The following XKR6 variants were observed in gnomAD, a reference collection of about 807,000 sequenced individuals.
The protein encoded by XKR6 is XK related 6.
Under a neutral mutation model 56.7 loss-of-function variants are expected in XKR6, and 22 were observed. The observed-to-expected ratio is 0.39, with a 90% CI of 0.28 to 0.55. XKR6 has a LOEUF of 0.55. Ranked by LOEUF, XKR6 falls within the 20% of genes least tolerant of loss-of-function variation. XKR6 has a pLI of 0.66. For missense variants in XKR6, 852 were observed against 889.0 expected, an observed-to-expected ratio of 0.96 and a Z score of 0.53; for synonymous variants, 524 against 387.8, an observed-to-expected ratio of 1.35 and a Z score of -4.13.
chr8:11,040,027 G>C (rs1015149913), intron 1 of XKR6, among the ~76,000 whole-genome samples: 1 of 151,990 alleles, frequency 6.6e-6, no homozygotes, highest in Non-Finnish European at 1.5e-5. Flanking sequence ...TCCCCATCCC[G>C]CCACCCTCTG....
intron 1 of XKR6, among the ~76,000 whole-genome samples, chr8:11,134,135 A>C (rs996333102): frequency 6.6e-6 from 1 of 152,062 alleles, no homozygotes; most frequent in Non-Finnish European, 1.5e-5. Context: ...TCTACATTCA[A>C]AACAGCCAAG....
intron 1 of XKR6, among the ~76,000 whole-genome samples, chr8:11,139,887 G>C (rs1430397656): frequency 6.6e-6 from 1 of 152,086 alleles, no homozygotes; most frequent in African/African-American, 2.4e-5. Flanking sequence ...CACAGACAAG[G>C]AAAGCACACT....
chr8:11,057,725 C>A (rs1271448166), intron 1 of XKR6, among the ~76,000 whole-genome samples: 2 of 152,190 alleles, frequency 1.3e-5, no homozygotes, highest in Non-Finnish European at 2.9e-5. Flanking sequence ...ACCTTCAATG[C>A]CCACCTGTCA....
At chr8:10,959,691 A>G (rs962871666) in intron 1 of XKR6, among the ~76,000 whole-genome samples, 2 of 152,076 alleles carry the variant, frequency 1.3e-5, no homozygotes, top group African/African-American at 4.8e-5. Context: ...ACCTAACACC[A>G]TCCCACTGTG....
chr8:10,956,341 G>A (rs887975313), intron 1 of XKR6, among the ~76,000 whole-genome samples: 25 of 152,306 alleles, frequency 1.6e-4, no homozygotes, highest in South Asian at 4.1e-4. Flanking sequence ...TGTGGTGGGG[G>A]TGGACACTAG....
intron 2 of XKR6, among the ~76,000 whole-genome samples, chr8:10,911,893 A>G (rs1800383714): frequency 6.6e-6 from 1 of 150,720 alleles, no homozygotes; most frequent in Non-Finnish European, 1.5e-5. Flanking sequence ...GTATATATAT[A>G]GAGAGAATAG....
intron 1 of XKR6, among the ~76,000 whole-genome samples, chr8:11,014,739 G>T (rs1798580340): frequency 1.3e-5 from 2 of 152,136 alleles, no homozygotes; most frequent in South Asian, 4.1e-4. Context: ...AGACCCAGAA[G>T]ACCGTGAGAA....
At chr8:11,015,538 G>A (rs1798599141) in intron 1 of XKR6, among the ~76,000 whole-genome samples, 2 of 152,166 alleles carry the variant, frequency 1.3e-5, no homozygotes, top group South Asian at 4.1e-4. Context: ...AGGAGAGGGG[G>A]ACGCTGGCAG....
chr8:11,088,023 T>C (rs921498264), intron 1 of XKR6, among the ~76,000 whole-genome samples: 1 of 152,168 alleles, frequency 6.6e-6, no homozygotes, highest in Non-Finnish European at 1.5e-5. Context: ...AGATTGAAAA[T>C]TGTTTTCCAG....
intron 1 of XKR6, among the ~76,000 whole-genome samples, chr8:11,159,140 T>G (rs1284229344): frequency 3.9e-5 from 6 of 152,224 alleles, no homozygotes; most frequent in Admixed American, 1.3e-4. Context: ...GTTGGCCGTT[T>G]CAATGAGTTA....
intron 1 of XKR6, among the ~76,000 whole-genome samples, chr8:11,021,614 A>C (rs932554956): frequency 6.6e-6 from 1 of 152,160 alleles, no homozygotes; most frequent in African/African-American, 2.4e-5. Context: ...CAGGAGCCCA[A>C]AGCACACAGG....
chr8:11,004,302 T>A (rs919439580), intron 1 of XKR6, among the ~76,000 whole-genome samples: 1 of 151,988 alleles, frequency 6.6e-6, no homozygotes, highest in African/African-American at 2.4e-5. Flanking sequence ...TGAAACCTCA[T>A]CTCTACTAAA....
intron 1 of XKR6, among the ~76,000 whole-genome samples, chr8:11,039,595 C>A (rs149221991): frequency 6.6e-6 from 1 of 152,356 alleles, no homozygotes; most frequent in East Asian, 1.9e-4. Flanking sequence ...GCCCCAACGT[C>A]CAGGGTGGAT....
chr8:10,998,832 T>C (rs1798173934), intron 1 of XKR6, among the ~76,000 whole-genome samples: 1 of 152,202 alleles, frequency 6.6e-6, no homozygotes, highest in Admixed American at 6.5e-5. Flanking sequence ...CAGATTCTGT[T>C]CCTTCTGCCT....
chr8:11,188,758 A>T (rs958569561), intron 1 of XKR6, among the ~76,000 whole-genome samples: 1 of 152,164 alleles, frequency 6.6e-6, no homozygotes, highest in Admixed American at 6.5e-5. Context: ...ATCACCAACG[A>T]GCAGAGGATC....
intron 1 of XKR6, among the ~76,000 whole-genome samples, chr8:11,130,977 T>C (rs1339633552): frequency 6.6e-6 from 1 of 152,136 alleles, no homozygotes; most frequent in Non-Finnish European, 1.5e-5. Context: ...AATGATGTCA[T>C]GACATCACAT....
intron 1 of XKR6, among the ~76,000 whole-genome samples, chr8:11,152,659 T>A (rs1000773059): frequency 6.6e-6 from 1 of 152,218 alleles, no homozygotes; most frequent in African/African-American, 2.4e-5. Flanking sequence ...ATTTCACTCA[T>A]CTGTTTGCTT....
intron 1 of XKR6, among the ~76,000 whole-genome samples, chr8:11,080,525 G>A (rs1410542911): frequency 6.6e-6 from 1 of 152,248 alleles, no homozygotes; most frequent in Non-Finnish European, 1.5e-5. Context: ...CTTTGGAGAT[G>A]TAAAGTCAAC....
intron 1 of XKR6, chr8:11,175,523 A>T (rs1309524574): frequency 6.6e-6 from 1 of 152,490 alleles, no homozygotes; most frequent in Non-Finnish European, 1.5e-5. Context: ...ACCGAAGAAA[A>T]AGATACCTGA....
Sources: gnomAD v4.1 joint callset for allele counts (sites outside exome capture counted in the v4.1 genomes callset) on GRCh38, gnomAD v4.1.1 for gene constraint, MANE v1.5 for transcripts, NCBI Gene and HGNC (gene_info 2026-07-23, HGNC 2026-07-21) for gene names.